Variants in ZNF618 observed in about 807,000 individuals in gnomAD.
ZNF618 encodes neural precursor cell expressed, developmentally down-regulated 10.
ZNF618 carries 34 observed loss-of-function variants against 103.0 expected under a neutral mutation model. The observed-to-expected ratio is 0.33, with a 90% CI of 0.25 to 0.44. The LOEUF (loss-of-function observed/expected upper bound fraction) is 0.44. Ranked by LOEUF, ZNF618 falls within the 20% of genes least tolerant of loss-of-function variation. The pLI is 1.00. For missense variants in ZNF618, 1,059 were observed against 1,295.4 expected (o/e 0.82, Z 2.80); for synonymous variants, 551 against 542.2 (o/e 1.02, Z -0.23).
chr9:114,016,662 A>T, intron 9 of ZNF618, 33 bp from the exon 10 acceptor site: 1 of 1,584,836 alleles, frequency 6.3e-7, no homozygotes, highest in Non-Finnish European at 8.7e-7. Flanking sequence ...GGCCAGTTGC[A>T]CATTCTTACA....
Position 113,988,227 on chromosome 9 carries a change from C to T in ZNF618, c.78-94C>T, listed in dbSNP as rs572738220. ...CGGGGGCCCTAGAATTCACTATGCA[C>T]ACAGCCTGGCATGTCCCTGTGGTGC... On this transcript the variant is annotated intron_variant, in intron 2 of 14. Transcript: ENST00000374126. The T allele has an allele frequency of 1.9e-4, 284 of 1,470,088 alleles. No individual in the cohort carries two copies. In the African/African-American group the frequency reaches 3.7e-3, roughly 19 times the overall value. 91.1% of individuals were successfully genotyped at this position (1,470,088 alleles called of 1,614,324 possible).
chr9:113,962,157 T>C (rs1836902467), intron 1 of ZNF618, among the ~76,000 whole-genome samples: 1 of 152,208 alleles, frequency 6.6e-6, no homozygotes, highest in Non-Finnish European at 1.5e-5. Context: ...TGCTGATGGT[T>C]AGTATTCTCA....
chr9:113,909,233 G>A (rs1448644446), intron 1 of ZNF618, among the ~76,000 whole-genome samples: 4 of 152,054 alleles, frequency 2.6e-5, no homozygotes, highest in Admixed American at 2.0e-4. Context: ...ATGGAAGATC[G>A]AGGCATGTCC....
At chr9:113,945,099 C>T (rs1680673707) in intron 1 of ZNF618, among the ~76,000 whole-genome samples, 1 of 152,120 alleles carries the variant, frequency 6.6e-6, no homozygotes, top group South Asian at 2.1e-4. Context: ...TCCCCTGTCT[C>T]CCTACCTCAC....
At chr9:113,883,999 C>T (rs934569744) in intron 1 of ZNF618, among the ~76,000 whole-genome samples, 1 of 56,666 alleles carries the variant, frequency 1.8e-5, no homozygotes, top group Admixed American at 1.0e-4. Context: ...CCCCCCCCCC[C>T]CCCGCCCTGT....
At position 114,049,252 on chromosome 9, in the gene ZNF618, G is replaced by A; in HGVS notation, c.1950G>A (p.Lys650=). The A allele has an allele frequency of 1.9e-6, 3 of 1,612,974 alleles. No homozygotes were observed. Among genetic ancestry groups the A allele is most frequent in the South Asian group, 1.1e-5 (1 of 91,068 alleles). The stretch of plus-strand genomic sequence containing the variant: ...CGGTGGTGCAGAGCGTGCTGAGCAA[G>A]CGGACACTGCAGGCCCGCAGCATGC... ...LNSVVQSVLS[K]RTLQARSMHE... Residue 650 remains lysine (K), a synonymous_variant, in exon 15 of 15, where the codon AAG becomes AAA. Transcript: ENST00000374126.
intron 1 of ZNF618, among the ~76,000 whole-genome samples, chr9:113,909,788 TG>T (rs1222396539): frequency 4.0e-5 from 6 of 150,110 alleles, no homozygotes; most frequent in Admixed American, 2.1e-4. Context: ...CTTTTTTGTT[TG>T]TTTTTTTTTT....
In ZNF618 at chr9:114,048,779, C is replaced by T; in HGVS notation, c.1477C>T (p.Leu493=). ...ALSVVSGKEF[L]KLAQTLVDSG... ...GAGCGTGGTCAGCGGGAAGGAGTTC[C>T]TGAAGTTGGCCCAGACCTTAGTAGA... Residue 493 remains leucine, a synonymous_variant, in exon 15 of 15, where the codon CTG becomes TTG. Coordinates refer to ENST00000374126, the MANE Select transcript of ZNF618 (RefSeq NM_001318042.2). 6.2e-7 allele frequency: 1 copy of T among 1,614,054 alleles called. No individual in the cohort carries two copies. The highest frequency in any genetic ancestry group is 8.5e-7 in the Non-Finnish European group (1 of 1,179,904).
At chr9:113,950,723 A>G (rs527560222) in intron 1 of ZNF618, among the ~76,000 whole-genome samples, 1 of 152,276 alleles carries the variant, frequency 6.6e-6, no homozygotes, top group East Asian at 1.9e-4. Context: ...CGCTGGGAAG[A>G]GTAGACATCA....
At chr9:113,965,080 G>T (rs1367568237) in intron 1 of ZNF618, among the ~76,000 whole-genome samples, 1 of 147,088 alleles carries the variant, frequency 6.8e-6, no homozygotes, top group Non-Finnish European at 1.5e-5. Flanking sequence ...AGCTGTTTCT[G>T]CTTGGATTTA....
chr9:113,989,105 A>G (rs1839775382), intron 3 of ZNF618, among the ~76,000 whole-genome samples: 1 of 152,228 alleles, frequency 6.6e-6, no homozygotes, highest in African/African-American at 2.4e-5. Flanking sequence ...GGTCTCCAGC[A>G]TGCACCAGGG....
intron 9 of ZNF618, among the ~76,000 whole-genome samples, chr9:114,012,764 G>C (rs988838995): frequency 7.9e-5 from 12 of 152,120 alleles, no homozygotes; most frequent in Admixed American, 6.5e-5. Context: ...ATAATGAGAG[G>C]AAAATATGAT....
intron 1 of ZNF618, among the ~76,000 whole-genome samples, chr9:113,951,433 A>ATATATATACACATATATGTGTGTGTGTG (rs1564206908): frequency 1.5e-5 from 1 of 66,956 alleles, no homozygotes; most frequent in African/African-American, 6.0e-5. Flanking sequence ...GTGTGTGTGT[A>ATATATATACACATATATGTGTGTGTGTG]TATATATACA....
intron 13 of ZNF618, 49 bp from the exon 14 acceptor site, chr9:114,047,844 C>T: frequency 6.6e-7 from 1 of 1,505,294 alleles, no homozygotes; most frequent in Non-Finnish European, 9.1e-7. Context: ...CGTTCCTCAA[C>T]AGGCCTCTTA....
At chr9:114,032,532 G>A (rs1205896623) in intron 11 of ZNF618, 113 bp from the exon 12 acceptor site, 16 of 926,086 alleles carry the variant, frequency 1.7e-5, no homozygotes, top group African/African-American at 1.1e-4. Flanking sequence ...GAGCCCTCAC[G>A]AGAGCTAGTT....
chr9:114,045,849 A>T (rs918445487), intron 13 of ZNF618, among the ~76,000 whole-genome samples: 2 of 151,820 alleles, frequency 1.3e-5, no homozygotes, highest in Non-Finnish European at 2.9e-5. Context: ...TTTAACAGTA[A>T]GTCTTCCAGT....
intron 1 of ZNF618, among the ~76,000 whole-genome samples, chr9:113,894,336 C>T (rs548983448): frequency 2.1e-3 from 326 of 152,256 alleles, no homozygotes; most frequent in Middle Eastern, 0.017. Flanking sequence ...CAACTATGGG[C>T]AGTGACCCTT....
At chr9:113,902,381 A>C (rs1399531612) in intron 1 of ZNF618, among the ~76,000 whole-genome samples, 1 of 152,098 alleles carries the variant, frequency 6.6e-6, no homozygotes, top group African/African-American at 2.4e-5. Flanking sequence ...GCCACAAGTT[A>C]ATTTTGCTCA....
chr9:114,045,158 G>A (rs887630340), intron 13 of ZNF618, among the ~76,000 whole-genome samples: 1 of 151,950 alleles, frequency 6.6e-6, no homozygotes, highest in African/African-American at 2.4e-5. Flanking sequence ...TCTGTCGGTT[G>A]TCTTTTTACT....
Sources: gnomAD v4.1 joint callset for allele counts (sites outside exome capture counted in the v4.1 genomes callset) on GRCh38, gnomAD v4.1.1 for gene constraint, MANE v1.5 for transcripts, NCBI Gene and HGNC (gene_info 2026-07-23, HGNC 2026-07-21) for gene names.